PCDHA4: variants seen among roughly 807,000 people sequenced by gnomAD.
PCDHA4 encodes protocadherin alpha 4, also known as protocadherin alpha-4.
Under a neutral mutation model 61.4 loss-of-function variants are expected in PCDHA4, and 49 were observed. The ratio of observed to expected loss-of-function variants is 0.80; its 90% confidence interval spans 0.63 to 1.01. PCDHA4 has a LOEUF of 1.01. Among genes scored for constraint, PCDHA4 ranks in the 50% least tolerant of loss-of-function variants. The pLI is 0.00. For synonymous variants in PCDHA4, 590 were observed against 550.3 expected, an observed-to-expected ratio of 1.07 and a Z score of -1.01; for missense variants, 1,254 against 1,235.8, an observed-to-expected ratio of 1.01 and a Z score of -0.22.
At chr5:140,874,554 TTC>T (rs2054993631) in intron 1 of PCDHA4, among the ~76,000 whole-genome samples, 1 of 152,236 alleles carries the variant, frequency 6.6e-6, no homozygotes, top group African/African-American at 2.4e-5. Flanking sequence ...TAAGAGATCT[TTC>T]GCATTTTAGT....
At chr5:140,848,886 C>G in intron 1 of PCDHA4, 2 of 1,591,496 alleles carry the variant, frequency 1.3e-6, no homozygotes, top group Admixed American at 1.7e-5. Context: ...CGACAACCCT[C>G]CAGTGTTCCC....
chr5:140,883,068 C>T lies in PCDHA4; in HGVS notation c.2385+73496C>T, dbSNP rs782726947. The stretch of plus-strand genomic sequence containing the variant: ...ACATTAGTGATCAAGCTAAATGCCA[C>T]AGATCCTGATGATGGTACAAATGGA... On this transcript the variant is annotated intron_variant, in intron 1 of 3. Coordinates refer to ENST00000530339, the MANE Select transcript of PCDHA4 (RefSeq NM_018907.4). The T allele has an allele frequency of 1.4e-5, 23 of 1,614,130 alleles. No homozygotes were observed. The highest frequency in any genetic ancestry group is 1.9e-5 in the Non-Finnish European group (23 of 1,180,028).
At chr5:140,918,036 C>G (rs1423930397) in intron 1 of PCDHA4, among the ~76,000 whole-genome samples, 1 of 152,036 alleles carries the variant, frequency 6.6e-6, no homozygotes, top group Non-Finnish European at 1.5e-5. Flanking sequence ...CGTGGAAGGT[C>G]TTTCCATTTG....
chr5:140,852,181 G>A, intron 1 of PCDHA4: 3 of 755,216 alleles, frequency 4.0e-6, no homozygotes, highest in Non-Finnish European at 5.0e-6. Flanking sequence ...AAATAACTAT[G>A]AAAATGCCAG....
At chr5:140,973,972 G>A (rs1467007704) in intron 1 of PCDHA4, among the ~76,000 whole-genome samples, 1 of 152,186 alleles carries the variant, frequency 6.6e-6, no homozygotes, top group Non-Finnish European at 1.5e-5. Flanking sequence ...TTTAAATGTG[G>A]CTTTTACAGA....
intron 1 of PCDHA4, among the ~76,000 whole-genome samples, chr5:140,969,759 T>C (rs576118722): frequency 1.3e-5 from 2 of 152,338 alleles, no homozygotes; most frequent in African/African-American, 4.8e-5. Flanking sequence ...CTTAAAAAGC[T>C]CTGAGGCCTC....
chr5:140,836,467 A>G, intron 1 of PCDHA4: 1 of 1,613,806 alleles, frequency 6.2e-7, no homozygotes, highest in East Asian at 2.2e-5. Context: ...GAGCTGGTGG[A>G]TGTCAACGTG....
chr5:141,001,867 A>C (rs2153971805), intron 3 of PCDHA4, among the ~76,000 whole-genome samples: 1 of 152,348 alleles, frequency 6.6e-6, no homozygotes, highest in Admixed American at 6.5e-5. Context: ...ATTGATGCCC[A>C]AAACCAAGAA....
intron 1 of PCDHA4, among the ~76,000 whole-genome samples, chr5:140,845,265 T>C (rs1779776321): frequency 6.7e-6 from 1 of 149,658 alleles, no homozygotes; most frequent in African/African-American, 2.4e-5. Flanking sequence ...GTGTTTTCCT[T>C]TGTGAAAGTA....
chr5:140,843,692 T>C, intron 1 of PCDHA4: 2 of 1,586,786 alleles, frequency 1.3e-6, no homozygotes, highest in South Asian at 2.2e-5. Flanking sequence ...AGAGCAAGAT[T>C]TAAATGTTGA....
intron 1 of PCDHA4, among the ~76,000 whole-genome samples, chr5:140,881,159 T>A (rs1375537883): frequency 6.6e-6 from 1 of 152,188 alleles, no homozygotes; most frequent in Non-Finnish European, 1.5e-5. Context: ...AAAAGTAAGA[T>A]CCTCTTCCTC....
rs1209791227 is a variant in PCDHA4, at chr5:140,923,921, C to A, written c.2386-55028C>A. Among the ~76,000 whole-genome samples, 3 of 152,180 alleles carry A rather than the reference C, an allele frequency of 2.0e-5. No individual in the cohort carries two copies. The East Asian group carries it at 5.8e-4, about 29-fold the overall frequency. On this transcript the variant is annotated intron_variant, in intron 1 of 3. Transcript: ENST00000530339. ...TTCTGTGAAGATTTCCCATACTGTT[C>A]TCTGTATGCATTTTTCCTTTTTTCC...
At chr5:140,876,039 T>C in intron 1 of PCDHA4, 1 of 1,613,746 alleles carries the variant, frequency 6.2e-7, no homozygotes, top group Non-Finnish European at 8.5e-7. Context: ...AAGATAAAAG[T>C]ATATTGCCTG....
At chr5:140,829,637 A>G in intron 1 of PCDHA4, 2 of 1,612,300 alleles carry the variant, frequency 1.2e-6, no homozygotes, top group Non-Finnish European at 1.7e-6. Context: ...GGAGAGCGGC[A>G]AGGTGTACGC....
At chr5:140,873,414 G>T (rs184525297) in intron 1 of PCDHA4, among the ~76,000 whole-genome samples, 57 of 152,118 alleles carry the variant, frequency 3.7e-4, no homozygotes, top group African/African-American at 1.2e-3. Flanking sequence ...TTAAAATTTT[G>T]TAAATTATTA....
rs577931904 is a variant in PCDHA4 at position 140,968,275 on chromosome 5, G to A, written c.2386-10674G>A. On this transcript the variant is annotated intron_variant, in intron 1 of 3. Coordinates refer to ENST00000530339, the MANE Select transcript of PCDHA4 (RefSeq NM_018907.4). ...ACCCAGATGAAAAGGAGAATGCAGA[G>A]GTGACCTACTCCCTTCTGGAGAGGG... is the stretch of plus-strand genomic sequence containing the variant. The A allele has an allele frequency of 5.0e-6, 8 of 1,614,040 alleles. No individual in the cohort carries two copies. The African/African-American group carries it at 8.0e-5, about 16-fold the overall frequency.
chr5:140,968,132 A>G, intron 1 of PCDHA4: 1 of 1,614,082 alleles, frequency 6.2e-7, no homozygotes, highest in Non-Finnish European at 8.5e-7. Flanking sequence ...GCGTACACTG[A>G]AGGTTGAGAT....
At chr5:140,967,915 T>C in intron 1 of PCDHA4, 1 of 1,614,148 alleles carries the variant, frequency 6.2e-7, no homozygotes, top group Non-Finnish European at 8.5e-7. Context: ...CCAACACCAT[T>C]GTGGCCGTTC....
intron 1 of PCDHA4, among the ~76,000 whole-genome samples, chr5:140,937,239 G>C (rs1331547271): frequency 2.0e-5 from 3 of 151,804 alleles, no homozygotes; most frequent in African/African-American, 7.3e-5. Context: ...GGGTTTCACC[G>C]TGTTAGCCAG....
Sources: allele counts gnomAD v4.1 joint callset (sites outside exome capture counted in the v4.1 genomes callset), GRCh38; gene constraint gnomAD v4.1.1; transcripts MANE v1.5; gene names NCBI Gene and HGNC (gene_info 2026-07-23, HGNC 2026-07-21).